IL10RB: variants seen among roughly 807,000 people sequenced by gnomAD.
IL10RB encodes the protein interleukin-10 receptor subunit beta.
In IL10RB, 30 loss-of-function variants were observed where a neutral mutation model predicts 38.7. The ratio of observed to expected loss-of-function variants is 0.78; its 90% confidence interval spans 0.58 to 1.05. The LOEUF (loss-of-function observed/expected upper bound fraction) is 1.05, where lower values mean the gene tolerates loss of function less well. IL10RB is among the 50% of genes least tolerant of loss of function. IL10RB has a pLI of 0.00. For synonymous variants in IL10RB, 142 were observed against 145.9 expected (o/e 0.97, Z 0.19); for missense variants, 328 against 397.1 (o/e 0.83, Z 1.48).
chr21:33,304,330 C>G lies in IL10RB; in HGVS notation c.130-4646C>G, dbSNP rs180979633. Among the ~76,000 whole-genome samples the G allele has an allele frequency of 5.2e-4, 79 of 152,254 alleles. No individual in the cohort carries two copies. The East Asian group carries it at 6.6e-3, about 13-fold the overall frequency. On this transcript the variant is annotated intron_variant, in intron 1 of 1. Transcript: ENST00000609556. ...GCATCAAAAAGTGATTGACACTAAG[C>G]CCAGTTGAACAGCCAAAGCCTGAAG...
intron 1 of IL10RB, 127 bp downstream of exon 1, chr21:33,266,641 CAA>C (rs1568901178): frequency 4.4e-6 from 4 of 907,646 alleles, no homozygotes; most frequent in Admixed American, 4.7e-5. Flanking sequence ...AGAGAAGATG[CAA>C]ACGCCACGGC....
intron 2 of IL10RB, among the ~76,000 whole-genome samples, chr21:33,273,214 A>T (rs1240976096): frequency 1.3e-5 from 2 of 152,200 alleles, no homozygotes; most frequent in South Asian, 2.1e-4. Flanking sequence ...GCTGTAGGCA[A>T]TCGTAACACA....
At chr21:33,281,108 C>T (rs1989272682) in intron 4 of IL10RB, among the ~76,000 whole-genome samples, 1 of 152,230 alleles carries the variant, frequency 6.6e-6, no homozygotes, top group Admixed American at 6.5e-5. Flanking sequence ...GTAAACAGCT[C>T]CCTTGCTGCT....
intron 2 of IL10RB, among the ~76,000 whole-genome samples, chr21:33,269,549 T>G (rs900580469): frequency 6.6e-6 from 1 of 152,252 alleles, no homozygotes; most frequent in Non-Finnish European, 1.5e-5. Context: ...CTGGCTTTTG[T>G]TTTTTAACTT....
intron 4 of IL10RB, among the ~76,000 whole-genome samples, chr21:33,281,689 TCTC>T (rs1989282651): frequency 1.3e-5 from 2 of 152,066 alleles, no homozygotes; most frequent in South Asian, 2.1e-4. Flanking sequence ...TTCAAGCAAT[TCTC>T]CTGCCTCAGC....
At chr21:33,283,611 T>G (rs1000756507) in intron 5 of IL10RB, among the ~76,000 whole-genome samples, 1 of 152,018 alleles carries the variant, frequency 6.6e-6, no homozygotes, top group Non-Finnish European at 1.5e-5. Context: ...AGGTCTTTCC[T>G]CCCCAGGCGG....
chr21:33,284,681 G>A (rs1215147667), intron 5 of IL10RB, among the ~76,000 whole-genome samples: 1 of 152,108 alleles, frequency 6.6e-6, no homozygotes, highest in Non-Finnish European at 1.5e-5. Context: ...CCATCCCCTT[G>A]GTGCTGTCCT....
At chr21:33,279,239 T>C (rs901717721) in intron 3 of IL10RB, among the ~76,000 whole-genome samples, 3 of 152,172 alleles carry the variant, frequency 2.0e-5, no homozygotes, top group African/African-American at 7.2e-5. Flanking sequence ...GCCAGCCACA[T>C]GAATATCTAG....
intron 2 of IL10RB, among the ~76,000 whole-genome samples, chr21:33,269,651 A>ATTTTTTTTTTTTTTTTTTTTTTTTTTT (rs529634707): frequency 7.3e-6 from 1 of 137,332 alleles, no homozygotes; most frequent in Non-Finnish European, 1.6e-5. Flanking sequence ...AGATTCACCA[A>ATTTTTTTTTTTTTTTTTTTTTTTTTTT]TTTTTTTTTT....
chr21:33,306,164 CAT>C lies in IL10RB; in HGVS notation c.130-2811_130-2810del, dbSNP rs369821570. 4.3e-3 allele frequency among the ~76,000 whole-genome samples: 650 copies of C among 152,204 alleles called. 5 individuals are homozygous for C. The highest frequency in any genetic ancestry group is 0.015 in the African/African-American group (620 of 41,540). ...ATTTTATACAAGAAGTCTCCCAGGG[CAT>C]GGAACAGGGCAGGCCCAGAGAAGAA... On this transcript the variant is annotated intron_variant, in intron 1 of 1. Transcript: ENST00000609556.
At chr21:33,267,510 GT>G (rs1292416988) in intron 1 of IL10RB, among the ~76,000 whole-genome samples, 19 of 74,000 alleles carry the variant, frequency 2.6e-4, no homozygotes, top group East Asian at 1.3e-3. Context: ...TTGTTTTTTT[GT>G]TTTTTTGTTT....
chr21:33,269,651 ATTTTTTT>A (rs529634707), intron 2 of IL10RB, among the ~76,000 whole-genome samples: 16 of 137,332 alleles, frequency 1.2e-4, no homozygotes, highest in African/African-American at 4.3e-4. Flanking sequence ...AGATTCACCA[ATTTTTTT>A]TTTTTTTTTT....
At chr21:33,285,110 C>T (rs957292009) in intron 5 of IL10RB, among the ~76,000 whole-genome samples, 15 of 152,058 alleles carry the variant, frequency 9.9e-5, no homozygotes, top group African/African-American at 3.4e-4. Flanking sequence ...AGGCTGGTCT[C>T]GAACTCCTGA....
chr21:33,305,210 G>A (rs186270004), intron 1 of IL10RB, among the ~76,000 whole-genome samples: 2 of 152,230 alleles, frequency 1.3e-5, no homozygotes, highest in East Asian at 3.9e-4. Flanking sequence ...CCAGGCTCAG[G>A]TGATTATCCC....
In IL10RB at chr21:33,287,216, G is replaced by A. The variant is rs113577370; in HGVS notation, c.647-888G>A. 1.1e-3 allele frequency among the ~76,000 whole-genome samples: 170 copies of A among 152,364 alleles called. 1 individual carries two copies. Among genetic ancestry groups the A allele is most frequent in the African/African-American group, 3.9e-3 (164 of 41,584 alleles). ...AAAGAGAGGTCAAGGCCTCGCATCA[G>A]GGGCTGGGAAGAACAAATGGTAAGT... On this transcript the variant is annotated intron_variant, in intron 5 of 6. Transcript: ENST00000290200.
intron 2 of IL10RB, among the ~76,000 whole-genome samples, chr21:33,275,703 CTGTT>C (rs1457321193): frequency 2.6e-5 from 4 of 152,256 alleles, no homozygotes; most frequent in African/African-American, 9.6e-5. Flanking sequence ...ACTTGGCTAA[CTGTT>C]TGGCCCAAGG....
chr21:33,299,641 C>T (rs2082980760), downstream of IL10RB, among the ~76,000 whole-genome samples: 1 of 152,208 alleles, frequency 6.6e-6, no homozygotes, highest in Admixed American at 6.5e-5. Context: ...TGGGTCTCAG[C>T]CGTAGCTGCA....
chr21:33,296,178 CCA>C lies in IL10RB; in HGVS notation c.805-3_805-2del. On this transcript the variant is annotated splice_region_variant and splice_polypyrimidine_tract_variant and intron_variant, in intron 6 of 6. Transcript: ENST00000290200. ...TGATCATTAACTGTCCTCTTTCCCT[CCA>C]CAGTTTTTGGGCCATCCTCATCATA... 6.2e-7 allele frequency: 1 copy of C among 1,611,336 alleles called. No homozygotes were observed. Among genetic ancestry groups the C allele is most frequent in the Non-Finnish European group, 8.5e-7 (1 of 1,177,446 alleles).
intron 4 of IL10RB, among the ~76,000 whole-genome samples, chr21:33,281,978 T>C (rs956640904): frequency 2.0e-4 from 31 of 152,280 alleles, no homozygotes; most frequent in African/African-American, 7.0e-4. Context: ...CCACCTTACC[T>C]GCTTGCCTCT....
Sources: gnomAD v4.1 joint callset for allele counts (sites outside exome capture counted in the v4.1 genomes callset) on GRCh38, gnomAD v4.1.1 for gene constraint, MANE v1.5 for transcripts, NCBI Gene and HGNC (gene_info 2026-07-23, HGNC 2026-07-21) for gene names.